NCOA1: variants seen among roughly 807,000 people sequenced by gnomAD.
NCOA1 encodes the protein Hin-2 protein.
In NCOA1, 35 loss-of-function variants were observed where a neutral mutation model predicts 150.9. The observed-to-expected ratio is 0.23, with a 90% CI of 0.18 to 0.31. NCOA1 has a LOEUF of 0.31. Among genes scored for constraint, NCOA1 ranks in the 10% least tolerant of loss-of-function variants. The pLI is 1.00. For missense variants in NCOA1, 1,491 were observed against 1,749.3 expected (o/e 0.85, Z 2.63); for synonymous variants, 590 against 630.0 (o/e 0.94, Z 0.95).
chr2:24,632,566 A>T (rs1008328701), intron 3 of NCOA1, among the ~76,000 whole-genome samples: 1 of 152,200 alleles, frequency 6.6e-6, no homozygotes, highest in African/African-American at 2.4e-5. Flanking sequence ...GACATTTCCA[A>T]TGCTCAGAAC....
rs1670300844 is a variant in NCOA1, at chr2:24,643,005, TCAG to T, written c.-174-959_-174-957del. ...GTGATTATAAACAGCATGAAACAAT[TCAG>T]CTGTGGTGATGAAGCAGTGAATCTC... On this transcript the variant is annotated intron_variant, in intron 3 of 22. Transcript: ENST00000348332. Among the ~76,000 whole-genome samples, 3 of 152,288 alleles carry T rather than the reference TCAG, an allele frequency of 2.0e-5. No homozygotes were observed. The South Asian group carries it at 6.2e-4, about 32-fold the overall frequency.
At chr2:24,763,598 G>A (rs1437989268) in intron 22 of NCOA1, among the ~76,000 whole-genome samples, 3 of 141,010 alleles carry the variant, frequency 2.1e-5, no homozygotes, top group Non-Finnish European at 3.1e-5. Context: ...AACTTTGGTT[G>A]AACTTTGGTC....
intron 17 of NCOA1, among the ~76,000 whole-genome samples, chr2:24,732,082 A>G (rs1663042605): frequency 1.3e-5 from 2 of 152,216 alleles, no homozygotes; most frequent in Admixed American, 6.5e-5. Flanking sequence ...AGGCCAGACC[A>G]AGGGTCTAGG....
At chr2:24,590,481 CTATT>C (rs1558819088) in intron 3 of NCOA1, among the ~76,000 whole-genome samples, 1 of 152,048 alleles carries the variant, frequency 6.6e-6, no homozygotes, top group African/African-American at 2.4e-5. Context: ...TAGTGTGTCT[CTATT>C]TTTTCAAATC....
At chr2:24,734,884 T>A (rs1169445336) in intron 17 of NCOA1, among the ~76,000 whole-genome samples, 1 of 152,080 alleles carries the variant, frequency 6.6e-6, no homozygotes, top group Non-Finnish European at 1.5e-5. Flanking sequence ...TAATAGACGG[T>A]TCTGCATAAT....
At chr2:24,576,163 G>GT (rs1491073238) in intron 2 of NCOA1, among the ~76,000 whole-genome samples, 1,473 of 91,936 alleles carry the variant, frequency 0.016, 65 homozygotes, top group African/African-American at 0.056. Flanking sequence ...TTTTTTTTTT[G>GT]TTTTTTGTTT....
At chr2:24,567,872 T>A (rs1666579080) in intron 2 of NCOA1, among the ~76,000 whole-genome samples, 1 of 152,152 alleles carries the variant, frequency 6.6e-6, no homozygotes, top group African/African-American at 2.4e-5. Flanking sequence ...TCCTCCCCAG[T>A]AGCTGGGATT....
chr2:24,538,070 G>C (rs894639586), intron 1 of NCOA1, among the ~76,000 whole-genome samples: 1 of 152,134 alleles, frequency 6.6e-6, no homozygotes, highest in African/African-American at 2.4e-5. Flanking sequence ...TTTCTTAAGA[G>C]ATAGCTTTTT....
chr2:24,614,660 C>T (rs947236847), intron 3 of NCOA1, among the ~76,000 whole-genome samples: 4 of 152,052 alleles, frequency 2.6e-5, no homozygotes, highest in African/African-American at 9.7e-5. Flanking sequence ...AAAGCCCAAC[C>T]ACACCTACAT....
chr2:24,738,636 C>T (rs978746440), intron 17 of NCOA1, among the ~76,000 whole-genome samples: 11 of 152,106 alleles, frequency 7.2e-5, no homozygotes, highest in Non-Finnish European at 1.5e-5. Flanking sequence ...CCCTTCTTGG[C>T]GATCCACAAT....
intron 1 of NCOA1, among the ~76,000 whole-genome samples, chr2:24,537,086 A>G (rs151006954): frequency 3.3e-5 from 5 of 152,034 alleles, no homozygotes; most frequent in African/African-American, 1.2e-4. Context: ...CAATTCGTCC[A>G]TGTAACCCCA....
rs181051442 is a variant in NCOA1, at chr2:24,625,290, C to G, written c.-174-18676C>G. On this transcript the variant is annotated intron_variant, in intron 3 of 22. Transcript: ENST00000348332. ...CTGAGGCACGAGAATTGCTTGAACCCAGGAGGTGGGAGTAGCAGTGAGCCG... is the reference window on the plus strand; with the variant it reads ...CTGAGGCACGAGAATTGCTTGAACCGAGGAGGTGGGAGTAGCAGTGAGCCG... Among the ~76,000 whole-genome samples, 3 of 148,818 alleles carry G rather than the reference C, an allele frequency of 2.0e-5. No homozygotes were observed. In the East Asian group the frequency reaches 5.9e-4, roughly 29 times the overall value.
chr2:24,637,417 A>G (rs1326166501), intron 3 of NCOA1, among the ~76,000 whole-genome samples: 2 of 151,710 alleles, frequency 1.3e-5, no homozygotes, highest in African/African-American at 4.8e-5. Context: ...CACTATTCAC[A>G]ATAGCAAAGA....
At chr2:24,617,650 A>C (rs902354662) in intron 3 of NCOA1, among the ~76,000 whole-genome samples, 14 of 152,118 alleles carry the variant, frequency 9.2e-5, no homozygotes, top group African/African-American at 2.9e-4. Flanking sequence ...CCTCTCCCTC[A>C]GACATCTGTT....
intron 11 of NCOA1, among the ~76,000 whole-genome samples, chr2:24,699,186 C>T (rs780534731): frequency 3.3e-5 from 5 of 152,146 alleles, no homozygotes; most frequent in Non-Finnish European, 5.9e-5. Flanking sequence ...AGCACTGTTT[C>T]GACTCATTGC....
At position 24,647,471 on chromosome 2, in the gene NCOA1, A is replaced by G. The variant is rs1670525919; in HGVS notation, c.-18+3349A>G. ...AAGGTTTATGAGGGAATTAATTAAC[A>G]TAGGTTAGGTGCTTAGAACAGTGAT... On this transcript the variant is annotated intron_variant, in intron 4 of 22. Transcript: ENST00000348332. 2.6e-5 allele frequency among the ~76,000 whole-genome samples: 4 copies of G among 152,174 alleles called. No homozygotes were observed. The South Asian group carries it at 8.3e-4, about 31-fold the overall frequency.
intron 3 of NCOA1, among the ~76,000 whole-genome samples, chr2:24,613,248 G>A (rs184917140): frequency 6.4e-4 from 97 of 152,210 alleles, no homozygotes; most frequent in South Asian, 1.2e-3. Context: ...TGGCGCTTAC[G>A]GGTAAGATCA....
intron 3 of NCOA1, among the ~76,000 whole-genome samples, chr2:24,629,846 A>ATATATATATATATG (rs1290114709): frequency 7.5e-6 from 1 of 132,620 alleles, no homozygotes; most frequent in Non-Finnish European, 1.6e-5. Context: ...ATATATATAT[A>ATATATATATATATG]TGTATTTTTT....
intron 22 of NCOA1, among the ~76,000 whole-genome samples, chr2:24,765,390 T>A (rs1331405997): frequency 6.6e-6 from 1 of 151,584 alleles, no homozygotes; most frequent in Non-Finnish European, 1.5e-5. Flanking sequence ...TCTCAGCTAC[T>A]CGGGAGGCTG....
Sources: gnomAD v4.1 joint callset for allele counts (sites outside exome capture counted in the v4.1 genomes callset) on GRCh38, gnomAD v4.1.1 for gene constraint, MANE v1.5 for transcripts, NCBI Gene and HGNC (gene_info 2026-07-23, HGNC 2026-07-21) for gene names.